Variants in SLC1A6 observed in about 807,000 individuals in gnomAD.
SLC1A6 encodes solute carrier family 1 member 6, also known as excitatory amino acid transporter 4.
SLC1A6 carries 15 observed loss-of-function variants against 42.1 expected under a neutral mutation model. The ratio of observed to expected loss-of-function variants is 0.36; its 90% confidence interval spans 0.24 to 0.55. SLC1A6 has a LOEUF of 0.55. Ranked by LOEUF, SLC1A6 falls within the 20% of genes least tolerant of loss-of-function variation. The pLI, the probability that SLC1A6 is intolerant of heterozygous loss-of-function variation, is 0.88. For missense variants in SLC1A6, 542 were observed against 772.5 expected (o/e 0.70, Z 3.54); for synonymous variants, 317 against 319.7 (o/e 0.99, Z 0.09).
At chr19:14,989,248 C>T (rs567725101) in intron 1 of SLC1A6, among the ~76,000 whole-genome samples, 33 of 152,156 alleles carry the variant, frequency 2.2e-4, no homozygotes, top group Non-Finnish European at 4.0e-4. Context: ...CTGCACTGAA[C>T]CCCCAAAATC....
At chr19:15,004,481 G>A (rs1176544051) in intron 1 of SLC1A6, among the ~76,000 whole-genome samples, 2 of 146,988 alleles carry the variant, frequency 1.4e-5, no homozygotes, top group Non-Finnish European at 3.0e-5. Context: ...GCAGGAGGAT[G>A]GCTTGAAGCC....
chr19:14,971,850 C>T lies in SLC1A6; in HGVS notation c.230G>A (p.Arg77His), dbSNP rs554436299. The change falls in exon 3 of 10, where the codon CGC (arginine) becomes CAC (histidine). Residue 77 changes from arginine to histidine, a missense_variant. By Grantham distance (29) the Arg-to-His change is conservative. Transcript: ENST00000594383. The stretch of plus-strand genomic sequence containing the variant: ...CTGGCGGTAGGTGAGCTGATATGGG[C>T]GCAGGGCAAAGGCCAGGCTGACCCC... The part of the protein sequence containing the change: ...VIGVSLAFAL[R>H]PYQLTYRQIK... 28 of 1,613,984 alleles carry T rather than the reference C, an allele frequency of 1.7e-5. No homozygotes were observed. The highest frequency in any genetic ancestry group is 4.0e-5 in the African/African-American group (3 of 74,918).
At chr19:14,995,852 A>G (rs886306745) in intron 1 of SLC1A6, among the ~76,000 whole-genome samples, 2 of 151,594 alleles carry the variant, frequency 1.3e-5, no homozygotes, top group African/African-American at 2.4e-5. Context: ...GAGATGGTAG[A>G]TCACTGGTAG....
intron 1 of SLC1A6, among the ~76,000 whole-genome samples, chr19:15,009,858 C>T (rs968603591): frequency 6.6e-6 from 1 of 152,002 alleles, no homozygotes; most frequent in African/African-American, 2.4e-5. Context: ...TTTCAGATAG[C>T]GGTGAGTGCT....
At chr19:15,008,026 C>G (rs990584363) in intron 1 of SLC1A6, among the ~76,000 whole-genome samples, 4 of 127,308 alleles carry the variant, frequency 3.1e-5, no homozygotes, top group Non-Finnish European at 6.5e-5. Context: ...AGTCTGCCCC[C>G]CCCCCAAAAA....
At chr19:14,963,666 G>T (rs535645111) in intron 5 of SLC1A6, among the ~76,000 whole-genome samples, 1 of 152,208 alleles carries the variant, frequency 6.6e-6, no homozygotes, top group East Asian at 1.9e-4. Context: ...ACCAATGTGT[G>T]GAAGTAGTAT....
intron 4 of SLC1A6, among the ~76,000 whole-genome samples, chr19:14,965,161 A>T (rs959584440): frequency 2.0e-5 from 3 of 151,998 alleles, no homozygotes; most frequent in African/African-American, 7.3e-5. Context: ...CTGGGATTAA[A>T]GTTGCCCACC....
chr19:15,004,818 T>G (rs927530545), intron 1 of SLC1A6, among the ~76,000 whole-genome samples: 1 of 152,246 alleles, frequency 6.6e-6, no homozygotes, highest in African/African-American at 2.4e-5. Context: ...GTATTTAGGC[T>G]TGGAGAGTAC....
At position 14,979,005 on chromosome 19, in the gene SLC1A6, C is replaced by A. The variant is rs1028065059; in HGVS notation, c.-8+304G>T. Among the ~76,000 whole-genome samples the A allele has an allele frequency of 2.0e-5, 3 of 150,214 alleles. No individual in the cohort carries two copies. The highest frequency in any genetic ancestry group is 7.4e-5 in the African/African-American group (3 of 40,814). On this transcript the variant is annotated intron_variant, in intron 1 of 9. Transcript: ENST00000594383. This position sits in a 1 kb window ranked among gnomAD's most constrained non-coding sequence, Gnocchi z 4.2. ...AAACATTCAGCTCCACACACCTGTT[C>A]AGGACGGCGATCCCACTCACAAATT... is the stretch of plus-strand genomic sequence containing the variant.
intron 1 of SLC1A6, among the ~76,000 whole-genome samples, chr19:15,009,288 T>C (rs8109849): frequency 1.1e-5 from 1 of 88,470 alleles, no homozygotes; most frequent in African/African-American, 5.5e-5. Flanking sequence ...AAATATCATA[T>C]ATATGCTCTC....
At chr19:14,954,686 C>T (rs897979225) in intron 7 of SLC1A6, among the ~76,000 whole-genome samples, 1 of 152,024 alleles carries the variant, frequency 6.6e-6, no homozygotes, top group Non-Finnish European at 1.5e-5. Context: ...ATTGAGCAGG[C>T]CAGGTGGGGG....
In SLC1A6 at chr19:15,007,870, CA is replaced by C. The variant is rs561711776; in HGVS notation, c.6+2614del. On this transcript the variant is annotated intron_variant, in intron 1 of 8. Transcript: ENST00000430939. Reference sequence around the variant, plus strand: ...TGAAACCCCATTTCTACTAAAAATACAAAAATTAGCCGGGTGTGGTGACACG... The same window carrying C: ...TGAAACCCCATTTCTACTAAAAATACAAAATTAGCCGGGTGTGGTGACACG... 3.9e-3 allele frequency among the ~76,000 whole-genome samples: 598 copies of C among 152,050 alleles called. 1 individual carries two copies. Among genetic ancestry groups the C allele is most frequent in the Non-Finnish European group, 4.6e-3 (311 of 67,978 alleles).
chr19:14,959,911 A>G (rs1302107402), intron 6 of SLC1A6, among the ~76,000 whole-genome samples: 2 of 152,158 alleles, frequency 1.3e-5, no homozygotes, highest in African/African-American at 2.4e-5. Flanking sequence ...CATTTTTTAA[A>G]TGTTCCTTTA....
Position 14,979,047 on chromosome 19 carries a change from C to G in SLC1A6, c.-8+262G>C, listed in dbSNP as rs1343440708. On this transcript the variant is annotated intron_variant, in intron 1 of 9. Coordinates refer to ENST00000594383, the MANE Select transcript of SLC1A6 (RefSeq NM_005071.3). The surrounding 1 kb of genome is among the most constrained non-coding windows in gnomAD (Gnocchi z 4.2). ...TCACAAATTCAGTCTCTCTCTCTCT[C>G]TGTCACACACACACACACACACACA... 1.6e-5 allele frequency among the ~76,000 whole-genome samples: 2 copies of G among 128,396 alleles called. No individual in the cohort carries two copies. Among genetic ancestry groups the G allele is most frequent in the Non-Finnish European group, 3.2e-5 (2 of 63,236 alleles). 84.2% of individuals were successfully genotyped at this position (128,396 alleles called of 152,430 possible).
At chr19:14,974,056 T>C (rs2045675621) in intron 1 of SLC1A6, 1 of 152,266 alleles carries the variant, frequency 6.6e-6, no homozygotes, top group South Asian at 2.1e-4. Flanking sequence ...CTTATTCACT[T>C]ACCTAAAAAA....
intron 1 of SLC1A6, among the ~76,000 whole-genome samples, chr19:14,989,994 A>C (rs1442057137): frequency 6.6e-6 from 1 of 152,130 alleles, no homozygotes; most frequent in Non-Finnish European, 1.5e-5. Flanking sequence ...TCTGTCTCGA[A>C]AAAATAGAAG....
At chr19:14,950,655 A>C (rs1705401905) in intron 9 of SLC1A6, among the ~76,000 whole-genome samples, 1 of 152,122 alleles carries the variant, frequency 6.6e-6, no homozygotes, top group Non-Finnish European at 1.5e-5. Context: ...TGGTTTACAG[A>C]AAAAAGATCA....
chr19:15,000,300 T>C (rs986372937), intron 1 of SLC1A6, among the ~76,000 whole-genome samples: 1 of 152,236 alleles, frequency 6.6e-6, no homozygotes, highest in Admixed American at 6.5e-5. Context: ...TGCCACGATG[T>C]ATAACAGATC....
intron 3 of SLC1A6, among the ~76,000 whole-genome samples, chr19:14,970,579 C>T (rs573900122): frequency 4.0e-5 from 6 of 151,796 alleles, no homozygotes; most frequent in African/African-American, 7.3e-5. Flanking sequence ...GGCATGGTGG[C>T]GGGTGCCTGT....
Sources: gnomAD v4.1 joint callset for allele counts (sites outside exome capture counted in the v4.1 genomes callset) on GRCh38, gnomAD v4.1.1 for gene constraint, Gnocchi (gnomAD v3.1) non-coding constraint, MANE v1.5 for transcripts, NCBI Gene and HGNC (gene_info 2026-07-23, HGNC 2026-07-21) for gene names.